Variants in HECTD4 observed in about 807,000 individuals in gnomAD.
The protein encoded by HECTD4 is HECT domain E3 ubiquitin protein ligase 4.
In HECTD4, 114 loss-of-function variants were observed where a neutral mutation model predicts 471.5. That is an observed-to-expected ratio of 0.24 (90% CI 0.21 to 0.28). The LOEUF (loss-of-function observed/expected upper bound fraction) is 0.28, where lower values mean the gene tolerates loss of function less well. Ranked by LOEUF, HECTD4 falls within the 10% of genes least tolerant of loss-of-function variation. The pLI is 1.00. For missense variants in HECTD4, 3,866 were observed against 5,651.5 expected (o/e 0.68, Z 10.13); for synonymous variants, 2,012 against 2,256.0 (o/e 0.89, Z 3.07).
chr12:112,266,214 T>TA (rs2034269370), intron 14 of HECTD4, among the ~76,000 whole-genome samples: 1 of 152,248 alleles, frequency 6.6e-6, no homozygotes, highest in African/African-American at 2.4e-5. Flanking sequence ...TGTGATTTTT[T>TA]ATTCCTTAAT....
At chr12:112,335,277 G>A (rs536445379) in intron 1 of HECTD4, among the ~76,000 whole-genome samples, 5 of 152,298 alleles carry the variant, frequency 3.3e-5, no homozygotes, top group African/African-American at 9.6e-5. Flanking sequence ...AGTAACTCAG[G>A]AATGGAAAAC....
intron 32 of HECTD4, among the ~76,000 whole-genome samples, chr12:112,241,135 G>A (rs1389431455): frequency 6.6e-6 from 1 of 151,954 alleles, no homozygotes; most frequent in East Asian, 1.9e-4. Flanking sequence ...TTAAGAGGGT[G>A]TACTTGTAGG....
chr12:112,355,785 AAAAAT>A (rs1226205784), intron 1 of HECTD4, among the ~76,000 whole-genome samples: 2 of 152,172 alleles, frequency 1.3e-5, no homozygotes, highest in East Asian at 3.8e-4. Flanking sequence ...AAATAAAAAT[AAAAAT>A]AAAATAAAAT....
chr12:112,273,633 C>T (rs375168382), intron 11 of HECTD4, 22 bp downstream of exon 11: 37 of 1,611,042 alleles, frequency 2.3e-5, no homozygotes, highest in Non-Finnish European at 3.1e-5. Flanking sequence ...TCTTTTCCTG[C>T]AAGACCCTGA....
chr12:112,309,173 A>T (rs1332143980), intron 5 of HECTD4, among the ~76,000 whole-genome samples: 2 of 152,230 alleles, frequency 1.3e-5, no homozygotes, highest in Non-Finnish European at 2.9e-5. Flanking sequence ...CAGTTTATAG[A>T]TCTTATATCC....
intron 1 of HECTD4, among the ~76,000 whole-genome samples, chr12:112,357,147 C>A (rs1382128481): frequency 6.6e-6 from 1 of 152,128 alleles, no homozygotes; most frequent in African/African-American, 2.4e-5. Context: ...TTCAGCCCCA[C>A]AAGTTCTATG....
At chr12:112,183,807 G>A (rs949633555) in intron 61 of HECTD4, among the ~76,000 whole-genome samples, 6 of 152,200 alleles carry the variant, frequency 3.9e-5, no homozygotes, top group African/African-American at 1.4e-4. Flanking sequence ...AGAATCACCT[G>A]GGACAGAATG....
intron 13 of HECTD4, among the ~76,000 whole-genome samples, chr12:112,269,159 C>G (rs960898637): frequency 6.6e-6 from 1 of 152,080 alleles, no homozygotes; most frequent in Non-Finnish European, 1.5e-5. Flanking sequence ...AGGCGTGAGC[C>G]ACCGCGCCCG....
At chr12:112,249,993 TG>T in intron 25 of HECTD4, 150 bp downstream of exon 25, 1 of 654,178 alleles carries the variant, frequency 1.5e-6, no homozygotes, top group Non-Finnish European at 2.6e-6. Context: ...TACTGCCTGG[TG>T]GGCCCTCTAG....
chr12:112,255,068 A>G (rs1196688590), intron 21 of HECTD4, among the ~76,000 whole-genome samples: 2 of 152,212 alleles, frequency 1.3e-5, no homozygotes, highest in African/African-American at 4.8e-5. Context: ...AAGTAAATGT[A>G]CTTTTATCCA....
Position 112,167,463 on chromosome 12 carries a change from C to T in HECTD4, c.12388G>A (p.Gly4130Arg). Residue 4130 changes from glycine (G) to arginine (R), a missense_variant, in exon 72 of 76, where the codon GGG becomes AGG. Physicochemically the swap from Gly to Arg is moderately radical, Grantham distance 125 (BLOSUM62 -2). Transcript: ENST00000682272. ...QLLHFLGQLLGIAIRADVPLP... is the reference protein window; with the variant it reads ...QLLHFLGQLLRIAIRADVPLP... ...GGGACGTCTGCCCGAATTGCAATCC[C>T]CAGCAGCTGCCCCAGGAAGTGCAGC... 6.2e-7 allele frequency: 1 copy of T among 1,613,242 alleles called. No homozygotes were observed. The highest frequency in any genetic ancestry group is 8.5e-7 in the Non-Finnish European group (1 of 1,179,538).
chr12:112,301,182 G>C (rs1333085849), intron 7 of HECTD4, among the ~76,000 whole-genome samples: 2 of 143,586 alleles, frequency 1.4e-5, no homozygotes. Context: ...CACCACGCCC[G>C]GTCGTACTTT....
chr12:112,280,439 G>C (rs1407312554), intron 8 of HECTD4, among the ~76,000 whole-genome samples: 1 of 152,072 alleles, frequency 6.6e-6, no homozygotes, highest in Non-Finnish European at 1.5e-5. Context: ...AAGCTGTCAG[G>C]CTATAAAATA....
chr12:112,327,518 G>A (rs896590006), intron 1 of HECTD4, among the ~76,000 whole-genome samples: 2 of 152,050 alleles, frequency 1.3e-5, no homozygotes, highest in African/African-American at 2.4e-5. Flanking sequence ...GTTCAATTTT[G>A]AAATTAGTGT....
chr12:112,290,247 G>A (rs2034846974), intron 7 of HECTD4, among the ~76,000 whole-genome samples: 1 of 151,718 alleles, frequency 6.6e-6, no homozygotes, highest in Non-Finnish European at 1.5e-5. Context: ...TTGAGCCCGG[G>A]AGGTTGAGGC....
At chr12:112,347,009 A>G (rs1298847103) in intron 1 of HECTD4, among the ~76,000 whole-genome samples, 1 of 152,178 alleles carries the variant, frequency 6.6e-6, no homozygotes, top group African/African-American at 2.4e-5. Flanking sequence ...AAACCTCTGC[A>G]CATCAAACAA....
intron 70 of HECTD4, 101 bp from the exon 71 acceptor site, chr12:112,168,018 C>T (rs948131999): frequency 3.7e-5 from 35 of 934,890 alleles, no homozygotes; most frequent in Middle Eastern, 3.1e-4. Context: ...ACTCCTTCCA[C>T]GGCCTACCTG....
At chr12:112,290,848 CAAAAAAAAACAAAACAA>C (rs1263152946) in intron 7 of HECTD4, among the ~76,000 whole-genome samples, 2 of 86,254 alleles carry the variant, frequency 2.3e-5, no homozygotes, top group East Asian at 2.1e-3. Context: ...AACTCCGTCT[CAAAAAAAAACAAAACAA>C]AAAAAAAAAA....
intron 11 of HECTD4, among the ~76,000 whole-genome samples, chr12:112,272,723 A>G (rs759110698): frequency 6.6e-6 from 1 of 152,194 alleles, no homozygotes; most frequent in East Asian, 1.9e-4. Context: ...CAGCTGGGCC[A>G]CTGCTTGCCC....
Sources: allele counts gnomAD v4.1 joint callset (sites outside exome capture counted in the v4.1 genomes callset), GRCh38; gene constraint gnomAD v4.1.1; transcripts MANE v1.5; gene names NCBI Gene and HGNC (gene_info 2026-07-23, HGNC 2026-07-21).